The following VPS13D variants were observed in gnomAD, a reference collection of about 807,000 sequenced individuals.
VPS13D encodes intermembrane lipid transfer protein VPS13D.
VPS13D carries 187 observed loss-of-function variants against 461.9 expected under a neutral mutation model. The ratio of observed to expected loss-of-function variants is 0.40; its 90% CI spans 0.36 to 0.46. VPS13D has a LOEUF of 0.46. VPS13D is among the 20% of genes least tolerant of loss of function. The pLI is 0.60. For missense variants in VPS13D, 4,711 were observed against 5,364.9 expected (o/e 0.88, Z 3.81); for synonymous variants, 1,951 against 1,986.3 (o/e 0.98, Z 0.47).
chr1:12,424,028 G>T (rs1473876847), intron 65 of VPS13D, among the ~76,000 whole-genome samples: 1 of 152,126 alleles, frequency 6.6e-6, no homozygotes, highest in African/African-American at 2.4e-5. Flanking sequence ...TTTTATAGTT[G>T]AGCTGATTAT....
In VPS13D at chr1:12,306,154, T is replaced by A. The variant is rs572648500; in HGVS notation, c.6439+1426T>A. Among the ~76,000 whole-genome samples the A allele has an allele frequency of 2.9e-4, 44 of 152,090 alleles. No individual in the cohort carries two copies. In the East Asian group the frequency reaches 8.3e-3, roughly 29 times the overall value. Reference sequence around the variant, plus strand: ...GCCCGCCACCACGCCTGGCTAATTTTTTGTATTTTTTAGTAGAGATGGGGT... The same window carrying A: ...GCCCGCCACCACGCCTGGCTAATTTATTGTATTTTTTAGTAGAGATGGGGT... On this transcript the variant is annotated intron_variant, in intron 26 of 69. Coordinates refer to ENST00000620676, the MANE Select transcript of VPS13D (RefSeq NM_015378.4).
chr1:12,354,069 A>G lies in VPS13D; in HGVS notation c.9527A>G (p.His3176Arg). The G allele has an allele frequency of 6.2e-7, 1 of 1,614,224 alleles. No homozygotes were observed. The highest frequency in any genetic ancestry group is 8.5e-7 in the Non-Finnish European group (1 of 1,180,044). The part of the protein sequence containing the change: ...SAKQIFRQPG[H>R]TIYLLPTVVI... ...AAACAGATTTTCAGACAGCCTGGGC[A>G]TACCATATATCTCCTGCCAACTGTG... Residue 3176 changes from histidine (H) to arginine (R), a missense_variant, in exon 47 of 70, where the codon CAT becomes CGT. Physicochemically the swap from His to Arg is conservative, Grantham distance 29 (BLOSUM62 0). Transcript: ENST00000620676.
intron 33 of VPS13D, 22 bp downstream of exon 33, chr1:12,321,986 A>C (rs1403081436): frequency 6.2e-7 from 1 of 1,612,404 alleles, no homozygotes; most frequent in Non-Finnish European, 8.5e-7. Context: ...AAATCTGTGC[A>C]ATACGTTGAT....
At chr1:12,411,960 T>C (rs1644736010) in intron 63 of VPS13D, among the ~76,000 whole-genome samples, 1 of 152,230 alleles carries the variant, frequency 6.6e-6, no homozygotes, top group Non-Finnish European at 1.5e-5. Context: ...CACATTATTA[T>C]ATCTCTCGCA....
chr1:12,377,343 A>G (rs1215942392), intron 55 of VPS13D, among the ~76,000 whole-genome samples: 1 of 151,314 alleles, frequency 6.6e-6, no homozygotes, highest in Admixed American at 6.6e-5. Context: ...TACAGGCATG[A>G]GCCACCACGC....
intron 61 of VPS13D, 149 bp downstream of exon 61, chr1:12,400,479 G>A: frequency 1.0e-6 from 1 of 1,004,924 alleles, no homozygotes; most frequent in Non-Finnish European, 1.4e-6. Flanking sequence ...ATTGTTTGGA[G>A]GAATTGACAG....
intron 65 of VPS13D, among the ~76,000 whole-genome samples, chr1:12,427,959 T>C (rs1211596913): frequency 6.6e-6 from 1 of 152,370 alleles, no homozygotes; most frequent in East Asian, 1.9e-4. Context: ...ACCATGCTGC[T>C]ATTTTTATGA....
chr1:12,331,272 G>A (rs1164442372), intron 37 of VPS13D, among the ~76,000 whole-genome samples: 2 of 152,014 alleles, frequency 1.3e-5, no homozygotes, highest in Admixed American at 6.6e-5. Context: ...AACCTCCGAC[G>A]GCCTGCTCCC....
chr1:12,341,820 C>G lies in VPS13D; in HGVS notation c.8667C>G (p.Pro2889=), dbSNP rs772860301. The change falls in exon 41 of 70, where the codon CCC becomes CCG. Residue 2889 remains proline, a synonymous_variant. Transcript: ENST00000620676. The part of the protein sequence containing the change: ...KTPKRRQPFV[P]FALRNHTGCT... ...CCAAGCGCCGGCAGCCATTTGTCCCCTTTGCTCTGAGGAACCACACGGGGT... is the reference window on the plus strand; with the variant it reads ...CCAAGCGCCGGCAGCCATTTGTCCCGTTTGCTCTGAGGAACCACACGGGGT... 4 of 1,613,868 alleles carry G rather than the reference C, an allele frequency of 2.5e-6. No individual in the cohort carries two copies. Among genetic ancestry groups the G allele is most frequent in the African/African-American group, 2.7e-5 (2 of 74,858 alleles).
At chr1:12,404,375 T>C (rs901543942) in intron 63 of VPS13D, among the ~76,000 whole-genome samples, 3 of 152,188 alleles carry the variant, frequency 2.0e-5, no homozygotes, top group African/African-American at 7.2e-5. Flanking sequence ...GCCCGAGGCC[T>C]GCTCACCTTC....
At chr1:12,422,235 T>C (rs1281555725) in intron 65 of VPS13D, among the ~76,000 whole-genome samples, 2 of 152,254 alleles carry the variant, frequency 1.3e-5, no homozygotes, top group Non-Finnish European at 2.9e-5. Flanking sequence ...AATACAGATA[T>C]TTTCATAATT....
intron 1 of VPS13D, 98 bp from the exon 2 acceptor site, chr1:12,234,093 G>A (rs1640072288): frequency 3.7e-6 from 2 of 544,724 alleles, no homozygotes; most frequent in Admixed American, 3.1e-5. Context: ...CAAAACATCT[G>A]TGCTTTGCAT....
Position 12,403,872 on chromosome 1 carries a change from G to A in VPS13D, c.11929G>A (p.Gly3977Ser), listed in dbSNP as rs776986177. 1 of 1,611,734 alleles carries A rather than the reference G, an allele frequency of 6.2e-7. No homozygotes were observed. Among genetic ancestry groups the A allele is most frequent in the South Asian group, 1.1e-5 (1 of 90,516 alleles). The change falls in exon 63 of 70, where the codon GGT (glycine) becomes AGT (serine). Residue 3977 changes from glycine (G) to serine (S), a missense_variant. Around this residue, in one of 3 missense-constraint regions of VPS13D, gnomAD observed 4,411 missense variants for 4,937.8 expected, o/e 0.89. Transcript: ENST00000620676. ...ENLHEKTAEQ[G>S]GTPIRYYFEN... ...CCTCCATGAAAAGACAGCTGAGCAA[G>A]GTGGAACACCAATTCGATACTACTT...
chr1:12,429,054 A>C (rs1378803338), intron 65 of VPS13D, among the ~76,000 whole-genome samples: 6 of 151,292 alleles, frequency 4.0e-5, no homozygotes, highest in African/African-American at 1.5e-4. Flanking sequence ...GTCTGTATTT[A>C]TTTGCATCCC....
intron 63 of VPS13D, among the ~76,000 whole-genome samples, chr1:12,410,574 C>T (rs1413063173): frequency 1.3e-5 from 2 of 152,070 alleles, no homozygotes; most frequent in African/African-American, 4.8e-5. Flanking sequence ...CATAGATAAA[C>T]TGGATGTTGG....
chr1:12,369,229 C>CTGTGTG (rs142328809), intron 53 of VPS13D, among the ~76,000 whole-genome samples: 12 of 147,564 alleles, frequency 8.1e-5, no homozygotes, highest in African/African-American at 2.5e-4. Context: ...GTGTGTGTAT[C>CTGTGTG]TGTGTGTGTG....
intron 19 of VPS13D, 73 bp downstream of exon 19, chr1:12,278,111 A>C: frequency 7.0e-7 from 1 of 1,422,848 alleles, no homozygotes; most frequent in Non-Finnish European, 9.5e-7. Flanking sequence ...CTTTGCGTAA[A>C]ACAGCAACAA....
intron 63 of VPS13D, among the ~76,000 whole-genome samples, chr1:12,405,125 C>T (rs1284496794): frequency 3.9e-5 from 6 of 152,208 alleles, no homozygotes; most frequent in Admixed American, 1.3e-4. Flanking sequence ...AGCTGCACAC[C>T]GGGGTGGTGT....
At chr1:12,333,448 G>A (rs760628308) in intron 38 of VPS13D, 82 bp downstream of exon 38, 231 of 1,537,254 alleles carry the variant, frequency 1.5e-4, no homozygotes, top group Non-Finnish European at 2.0e-4. Context: ...TCCTGGTTTA[G>A]CAAATACCTG....
Sources: gnomAD v4.1 joint callset for allele counts (sites outside exome capture counted in the v4.1 genomes callset) on GRCh38, gnomAD v4.1.1 for gene constraint, gnomAD v4.1.1 regional missense constraint, MANE v1.5 for transcripts, NCBI Gene and HGNC (gene_info 2026-07-23, HGNC 2026-07-21) for gene names.